RBFOX1: variants seen among roughly 807,000 people sequenced by gnomAD.
The protein encoded by RBFOX1 is RNA binding fox-1 homolog 1.
RBFOX1 carries 8 observed loss-of-function variants against 57.7 expected under a neutral mutation model. That is an observed-to-expected ratio of 0.14 (90% confidence interval 0.08 to 0.25). The LOEUF is 0.25. RBFOX1 is among the 10% of genes least tolerant of loss of function. RBFOX1 has a pLI of 1.00. For missense variants in RBFOX1, 611 were observed against 548.5 expected (o/e 1.11, Z -1.14); for synonymous variants, 326 against 222.4 (o/e 1.47, Z -4.15).
At chr16:6,561,667 T>C (rs1227168594) in intron 2 of RBFOX1, among the ~76,000 whole-genome samples, 1 of 152,220 alleles carries the variant, frequency 6.6e-6, no homozygotes, top group African/African-American at 2.4e-5. Context: ...TTATTTTATC[T>C]TTTTGTTTTT....
At chr16:7,607,714 T>G (rs943380858) in intron 10 of RBFOX1, among the ~76,000 whole-genome samples, 5 of 152,236 alleles carry the variant, frequency 3.3e-5, no homozygotes, top group African/African-American at 9.6e-5. Flanking sequence ...GGGGTTGGCA[T>G]TTTCTTTTTC....
intron 2 of RBFOX1, among the ~76,000 whole-genome samples, chr16:6,499,967 C>A (rs2095867488): frequency 6.6e-6 from 1 of 152,154 alleles, no homozygotes; most frequent in Non-Finnish European, 1.5e-5. Context: ...TTACCTGCCG[C>A]CTCGTGAAGG....
intron 2 of RBFOX1, among the ~76,000 whole-genome samples, chr16:6,392,126 G>T (rs372027406): frequency 6.6e-6 from 1 of 152,170 alleles, no homozygotes; most frequent in African/African-American, 2.4e-5. Flanking sequence ...CTGTTCTATG[G>T]CCTGGGAGGG....
chr16:6,510,593 A>G (rs529813112), intron 2 of RBFOX1, among the ~76,000 whole-genome samples: 8 of 152,158 alleles, frequency 5.3e-5, no homozygotes, highest in Non-Finnish European at 1.0e-4. Flanking sequence ...AGTCGGGAGG[A>G]TGAAAGCCTG....
At chr16:7,205,288 C>A (rs2089691381) in intron 4 of RBFOX1, among the ~76,000 whole-genome samples, 1 of 152,046 alleles carries the variant, frequency 6.6e-6, no homozygotes, top group South Asian at 2.1e-4. Flanking sequence ...GAGGCTGAGG[C>A]AGGCAGATCA....
At chr16:6,859,741 T>C (rs1301284661) in intron 3 of RBFOX1, among the ~76,000 whole-genome samples, 2 of 152,208 alleles carry the variant, frequency 1.3e-5, no homozygotes, top group Non-Finnish European at 2.9e-5. Flanking sequence ...CCTTGATCTT[T>C]GACAATAGCA....
At chr16:5,467,174 TTCTCTCTCTC>T (rs34212245) in intron 1 of RBFOX1, 12 of 1,264,636 alleles carry the variant, frequency 9.5e-6, no homozygotes, top group Admixed American at 8.7e-5. Context: ...TCAATGTTTC[TTCTCTCTCTC>T]TCTCTCTCTC....
At chr16:7,684,506 T>A (rs1335870705) in intron 14 of RBFOX1, among the ~76,000 whole-genome samples, 2 of 152,014 alleles carry the variant, frequency 1.3e-5, no homozygotes, top group African/African-American at 4.8e-5. Flanking sequence ...CCAAATATTC[T>A]CGTAATTATC....
intron 4 of RBFOX1, among the ~76,000 whole-genome samples, chr16:7,442,801 G>A (rs1480486116): frequency 3.3e-5 from 5 of 152,160 alleles, no homozygotes; most frequent in East Asian, 1.9e-4. Context: ...CACCAGATCA[G>A]CTAATTTGGT....
At chr16:5,435,424 G>A (rs571951173) in intron 1 of RBFOX1, among the ~76,000 whole-genome samples, 117 of 152,220 alleles carry the variant, frequency 7.7e-4, no homozygotes, top group African/African-American at 2.6e-3. Context: ...AGGGAGACTG[G>A]TCAATCCCTT....
Position 5,447,378 on chromosome 16 carries a change from A to ATCTCTCTCTCTCTCTC in RBFOX1, c.220-19821_220-19806dup, listed in dbSNP as rs71142623. ...TCATTCAATGTCAATCAATCAATCAATCTCTCTCTCTCTCTCTCTCTCTCT... is the reference window on the plus strand; with the variant it reads ...TCATTCAATGTCAATCAATCAATCAATCTCTCTCTCTCTCTCTCTCTCTCTCTCTCTCTCTCTCTCT... On this transcript the variant is annotated intron_variant, in intron 1 of 2. Coordinates refer to the RBFOX1 transcript ENST00000585867. Among the ~76,000 whole-genome samples the ATCTCTCTCTCTCTCTC allele has an allele frequency of 9.9e-3, 1,325 of 134,384 alleles. 80 individuals are homozygous for ATCTCTCTCTCTCTCTC. Among genetic ancestry groups the ATCTCTCTCTCTCTCTC allele is most frequent in the East Asian group, 0.043 (192 of 4,450 alleles). 88.2% of individuals were successfully genotyped at this position (134,384 alleles called of 152,430 possible).
chr16:5,793,683 G>C (rs758001984), intron 3 of RBFOX1, among the ~76,000 whole-genome samples: 2 of 152,228 alleles, frequency 1.3e-5, no homozygotes, highest in Non-Finnish European at 2.9e-5. Flanking sequence ...GCCCAGACTG[G>C]TCACCCCATT....
At chr16:6,759,929 T>C (rs2076365474) in intron 3 of RBFOX1, among the ~76,000 whole-genome samples, 5 of 152,186 alleles carry the variant, frequency 3.3e-5, no homozygotes, top group Admixed American at 3.3e-4. Flanking sequence ...AGTTTATTAA[T>C]CATTTATCAA....
intron 4 of RBFOX1, among the ~76,000 whole-genome samples, chr16:7,497,496 C>T (rs919759742): frequency 9.2e-5 from 14 of 152,140 alleles, no homozygotes; most frequent in Non-Finnish European, 1.0e-4. Context: ...CTTTGATCAT[C>T]GATTTTTTGG....
rs115807674 is a variant in RBFOX1, at chr16:7,027,790, C to G, written c.-15-24267C>G. ...AGCTTGCATTTTTTTTTATTTTAAA[C>G]AAGAAAAGGAAGAAATAAATGAGAA... On this transcript the variant is annotated intron_variant, in intron 3 of 15. Transcript: ENST00000550418. 8.5e-3 allele frequency among the ~76,000 whole-genome samples: 1,240 copies of G among 145,774 alleles called. 16 individuals carry two copies. The highest frequency in any genetic ancestry group is 0.026 in the African/African-American group (1,024 of 39,380).
chr16:5,776,521 G>A (rs960528987), intron 3 of RBFOX1, among the ~76,000 whole-genome samples: 1 of 152,178 alleles, frequency 6.6e-6, no homozygotes, highest in African/African-American at 2.4e-5. Context: ...AATAATAAGG[G>A]TTGGTATTTA....
At chr16:7,536,246 C>G (rs1437262663) in intron 5 of RBFOX1, among the ~76,000 whole-genome samples, 4 of 152,192 alleles carry the variant, frequency 2.6e-5, no homozygotes, top group African/African-American at 9.7e-5. Context: ...AACAGGGAGA[C>G]ATAAATCAAA....
intron 3 of RBFOX1, among the ~76,000 whole-genome samples, chr16:5,634,504 A>AT (rs1034844799): frequency 1.8e-4 from 28 of 151,780 alleles, no homozygotes; most frequent in South Asian, 2.1e-4. Context: ...TGCTAAACAT[A>AT]TTTTTTTTTC....
intron 4 of RBFOX1, among the ~76,000 whole-genome samples, chr16:7,477,870 C>T (rs1167235199): frequency 6.6e-6 from 1 of 152,128 alleles, no homozygotes; most frequent in Non-Finnish European, 1.5e-5. Context: ...GAGGGCTTTG[C>T]TAGGGCTGGC....
Sources: gnomAD v4.1 joint callset for allele counts (sites outside exome capture counted in the v4.1 genomes callset) on GRCh38, gnomAD v4.1.1 for gene constraint, MANE v1.5 for transcripts, NCBI Gene and HGNC (gene_info 2026-07-23, HGNC 2026-07-21) for gene names.